The following GGT1 variants were observed in gnomAD, a reference collection of about 807,000 sequenced individuals.
The protein encoded by GGT1 is glutathione hydrolase 1 proenzyme.
Under a neutral mutation model 56.0 loss-of-function variants are expected in GGT1, and 21 were observed. The observed-to-expected ratio is 0.38, with a 90% confidence interval of 0.27 to 0.54. The LOEUF is 0.54. Ranked by LOEUF, GGT1 falls within the 20% of genes least tolerant of loss-of-function variation. The pLI is 0.82. For synonymous variants in GGT1, 238 were observed against 342.6 expected, an observed-to-expected ratio of 0.69 and a Z score of 3.37; for missense variants, 466 against 787.0, an observed-to-expected ratio of 0.59 and a Z score of 4.88.
At chr22:24,622,896 G>T (rs191826299) in intron 9 of GGT1, among the ~76,000 whole-genome samples, 214 of 152,290 alleles carry the variant, frequency 1.4e-3, no homozygotes, top group African/African-American at 3.6e-3. Context: ...AGCTGATGAG[G>T]TTCCCAAGGA....
rs553600065 is a variant in GGT1 at position 24,628,091 on chromosome 22, G to A, written c.1347G>A (p.Pro449=). Residue 449 remains proline, a synonymous_variant, in exon 14 of 16, where the codon CCG becomes CCA. Coordinates refer to ENST00000400382, the MANE Select transcript of GGT1 (RefSeq NM_001288833.2). This position sits in a 1 kb window ranked among gnomAD's most constrained non-coding sequence, Gnocchi z 5.7. The part of the protein sequence containing the change: ...PANFIQPGKQ[P]LSSMCPTIMV... ...TCCCATCGGCCGCAGGGAAGCAGCCGCTCTCGTCCATGTGCCCGACGATCA... is the reference window on the plus strand; with the variant it reads ...TCCCATCGGCCGCAGGGAAGCAGCCACTCTCGTCCATGTGCCCGACGATCA... 91 of 1,611,884 alleles carry A rather than the reference G, an allele frequency of 5.6e-5. 3 individuals are homozygous for A. The South Asian group carries it at 7.3e-4, about 13-fold the overall frequency.
At position 24,597,006 on chromosome 22, in the gene GGT1, C is replaced by T. The variant is rs185068224; in HGVS notation, c.-324+2120C>T. ...TTTTAATTTTTTTTTTTTTTTGAGA[C>T]AGTCTCACTCTGTTAGCCCAGGCTG... On this transcript the variant is annotated intron_variant, in intron 1 of 6. Transcript: ENST00000411974. 8.3e-3 allele frequency among the ~76,000 whole-genome samples: 1,101 copies of T among 132,628 alleles called. 12 individuals carry two copies. The highest frequency in any genetic ancestry group is 0.011 in the Non-Finnish European group (733 of 64,488). The allele number at this position is 132,628 out of a possible 152,430, so 87.0% of individuals were successfully genotyped here.
chr22:24,613,162 A>G (rs1482305255), intron 5 of GGT1, among the ~76,000 whole-genome samples: 1 of 152,098 alleles, frequency 6.6e-6, no homozygotes, highest in Non-Finnish European at 1.5e-5. Context: ...TGCAGCCTTG[A>G]ACTCTTGGGC....
In GGT1 at chr22:24,620,526, T is replaced by G; in HGVS notation, c.575+6T>G. On this transcript the variant is annotated splice_donor_region_variant and intron_variant, in intron 8 of 15. Transcript: ENST00000400382. This position sits in a 1 kb window ranked among gnomAD's most constrained non-coding sequence, Gnocchi z 5.6. ...GAGCAGCAGCCTGTCTTGTGGTATGTCTGTGGGTGCGGCCCCCTGACACAG... is the reference window on the plus strand; with the variant it reads ...GAGCAGCAGCCTGTCTTGTGGTATGGCTGTGGGTGCGGCCCCCTGACACAG... 1 of 1,611,616 alleles carries G rather than the reference T, an allele frequency of 6.2e-7. No homozygotes were observed. Among genetic ancestry groups the G allele is most frequent in the East Asian group, 2.2e-5 (1 of 44,860 alleles).
upstream of GGT1, among the ~76,000 whole-genome samples, chr22:24,590,659 T>G (rs1236648757): frequency 6.6e-6 from 1 of 152,164 alleles, no homozygotes; most frequent in Non-Finnish European, 1.5e-5. Flanking sequence ...TCCTCTGCCT[T>G]CCCACCTATC....
chr22:24,611,596 AT>A (rs1569055101), intron 5 of GGT1, among the ~76,000 whole-genome samples: 2 of 148,426 alleles, frequency 1.3e-5, no homozygotes, highest in Non-Finnish European at 1.5e-5. Flanking sequence ...CTATCTATCT[AT>A]CTACTATCTA....
chr22:24,590,332 A>C (rs576573143), upstream of GGT1, among the ~76,000 whole-genome samples: 1 of 152,114 alleles, frequency 6.6e-6, no homozygotes, highest in African/African-American at 2.4e-5. Context: ...GGGTCTCACT[A>C]TGTTGCCCAG....
chr22:24,606,868 G>A (rs529072102), intron 1 of GGT1, among the ~76,000 whole-genome samples: 1 of 151,910 alleles, frequency 6.6e-6, no homozygotes, highest in Non-Finnish European at 1.5e-5. Flanking sequence ...GGAGGCTGCA[G>A]GGGCTCTCCG....
chr22:24,585,831 A>T, the GGT1 span: 14 of 1,470,970 alleles, frequency 9.5e-6, no homozygotes, highest in Non-Finnish European at 1.3e-5. Context: ...ATCGCCCACT[A>T]TCATGTGCTT....
At chr22:24,586,069 C>T in the GGT1 span, 3 of 1,612,030 alleles carry the variant, frequency 1.9e-6, no homozygotes, top group Non-Finnish European at 2.5e-6. Flanking sequence ...GGGGCTGGGG[C>T]AGGGAAGCCA....
chr22:24,585,955 G>A, the GGT1 span: 23 of 1,609,638 alleles, frequency 1.4e-5, no homozygotes, highest in Middle Eastern at 3.3e-4. Flanking sequence ...TGGAGGCAGG[G>A]GTGGTGGCCC....
At chr22:24,595,936 T>A (rs1251221164) in intron 1 of GGT1, among the ~76,000 whole-genome samples, 1 of 152,238 alleles carries the variant, frequency 6.6e-6, no homozygotes, top group Non-Finnish European at 1.5e-5. Context: ...TGAGTGGCAC[T>A]GAGCCTCCTG....
chr22:24,612,373 C>T (rs1218224493), intron 5 of GGT1, among the ~76,000 whole-genome samples: 4 of 149,006 alleles, frequency 2.7e-5, no homozygotes, highest in Non-Finnish European at 5.9e-5. Flanking sequence ...TACATATGTA[C>T]ATATGTACAC....
chr22:24,591,507 G>T (rs2045566904), upstream of GGT1, among the ~76,000 whole-genome samples: 1 of 152,228 alleles, frequency 6.6e-6, no homozygotes, highest in Non-Finnish European at 1.5e-5. Context: ...CCAAGCACAG[G>T]AAGTTGGGCC....
intron 7 of GGT1, 102 bp downstream of exon 7, chr22:24,615,229 G>A: frequency 1.3e-6 from 1 of 769,762 alleles, no homozygotes; most frequent in South Asian, 1.6e-5. Context: ...TTCAGGGGCA[G>A]TTCTGTCACC....
the GGT1 span, among the ~76,000 whole-genome samples, chr22:24,587,295 C>T: frequency 1.3e-5 from 2 of 152,132 alleles, no homozygotes; most frequent in Non-Finnish European, 2.9e-5. Flanking sequence ...GGAGGGCTCC[C>T]CGTGTTTTCT....
intron 1 of GGT1, among the ~76,000 whole-genome samples, chr22:24,597,091 T>C: frequency 6.6e-6 from 1 of 151,570 alleles, no homozygotes; most frequent in Non-Finnish European, 1.5e-5. Flanking sequence ...CAAGCGATTC[T>C]CCTGCCTCAG....
rs2046973397 is a variant in GGT1, at chr22:24,615,033, C to T, written c.296-8C>T. ...TGGGCGGGCCTGCCTACCTGCTTCT[C>T]CTTCTAGGAAAAGCTGAGGTCATCA... On this transcript the variant is annotated splice_region_variant and splice_polypyrimidine_tract_variant and intron_variant, in intron 6 of 15. Transcript: ENST00000400382. 1 of 1,611,012 alleles carries T rather than the reference C, an allele frequency of 6.2e-7. No homozygotes were observed. The highest frequency in any genetic ancestry group is 1.7e-5 in the Admixed American group (1 of 59,990).
intron 2 of GGT1, among the ~76,000 whole-genome samples, chr22:24,608,596 G>T (rs916855979): frequency 7.9e-5 from 12 of 152,220 alleles, no homozygotes; most frequent in Non-Finnish European, 1.3e-4. Flanking sequence ...CTAGGACGGG[G>T]TCACTGACCA....
Sources: allele counts gnomAD v4.1 joint callset (sites outside exome capture counted in the v4.1 genomes callset), GRCh38; gene constraint gnomAD v4.1.1; non-coding constraint Gnocchi (gnomAD v3.1); transcripts MANE v1.5; gene names NCBI Gene and HGNC (gene_info 2026-07-23, HGNC 2026-07-21).